The following SORBS2 variants were observed in gnomAD, a reference collection of about 807,000 sequenced individuals.
The protein encoded by SORBS2 is sorbin and SH3 domain containing 2.
A neutral mutation model predicts 97.7 loss-of-function variants in SORBS2; 46 were observed. That is an observed-to-expected ratio of 0.47 (90% CI 0.37 to 0.60). The LOEUF (loss-of-function observed/expected upper bound fraction) is 0.60, where lower values mean the gene tolerates loss of function less well. Ranked by LOEUF, SORBS2 falls within the 20% of genes least tolerant of loss-of-function variation. The pLI is 0.00. For missense variants in SORBS2, 1,316 were observed against 1,282.3 expected, an observed-to-expected ratio of 1.03 and a Z score of -0.40; for synonymous variants, 476 against 473.4, an observed-to-expected ratio of 1.01 and a Z score of -0.07.
intron 2 of SORBS2, among the ~76,000 whole-genome samples, chr4:185,699,284 C>CTTTTTTT (rs11435144): frequency 4.4e-5 from 5 of 112,582 alleles, no homozygotes; most frequent in East Asian, 2.6e-4. Context: ...TGAAATGTAC[C>CTTTTTTT]TTTTTTTTTT....
chr4:185,946,320 G>C lies in SORBS2; in HGVS notation c.-338+9876C>G, dbSNP rs528077588. 4.6e-5 allele frequency among the ~76,000 whole-genome samples: 7 copies of C among 152,274 alleles called. No individual in the cohort carries two copies. The East Asian group carries it at 1.4e-3, about 29-fold the overall frequency. Reference sequence around the variant, plus strand: ...GGCAGGCCTAGAAACCTATCACAAGGTTATTGCCATAATTGGAACAAAAAA... The same window carrying C: ...GGCAGGCCTAGAAACCTATCACAAGCTTATTGCCATAATTGGAACAAAAAA... On this transcript the variant is annotated intron_variant, in intron 1 of 20. Transcript: ENST00000284776.
intron 1 of SORBS2, among the ~76,000 whole-genome samples, chr4:185,906,897 A>G (rs1365191647): frequency 6.6e-6 from 1 of 152,168 alleles, no homozygotes; most frequent in African/African-American, 2.4e-5. Flanking sequence ...AGGCCAAGGC[A>G]GGCGGATCAC....
rs570251256 is a variant in SORBS2 at position 185,702,201 on chromosome 4, G to A, written c.-197-23379C>T. 7.2e-5 allele frequency among the ~76,000 whole-genome samples: 11 copies of A among 152,230 alleles called. No individual in the cohort carries two copies. In the South Asian group the frequency reaches 2.1e-3, roughly 29 times the overall value. On this transcript the variant is annotated intron_variant, in intron 2 of 20. Transcript: ENST00000284776. ...CAGAAAAGAGGGTTATTTGGCTCTC[G>A]GTTCTGCAGCCTGCACGGGACGCAT...
At chr4:185,720,926 C>CT (rs1316627272) in intron 2 of SORBS2, among the ~76,000 whole-genome samples, 1 of 152,060 alleles carries the variant, frequency 6.6e-6, no homozygotes, top group African/African-American at 2.4e-5. Flanking sequence ...GCCCATCGCT[C>CT]TGTCTCCCTG....
At chr4:185,610,991 TACAG>T (rs1333561997) in intron 12 of SORBS2, among the ~76,000 whole-genome samples, 2 of 152,200 alleles carry the variant, frequency 1.3e-5, no homozygotes, top group Admixed American at 6.5e-5. Context: ...ACATTGTGAG[TACAG>T]ACAAATAGCC....
intron 4 of SORBS2, among the ~76,000 whole-genome samples, chr4:185,640,156 G>A (rs940255688): frequency 6.6e-6 from 1 of 152,158 alleles, no homozygotes; most frequent in Non-Finnish European, 1.5e-5. Context: ...TGACAAAATA[G>A]TGCAAAAGCC....
intron 4 of SORBS2, chr4:185,677,359 T>C (rs1182192610): frequency 6.4e-7 from 1 of 1,552,256 alleles, no homozygotes; most frequent in African/African-American, 1.4e-5. Flanking sequence ...GTGTTGATGT[T>C]AGCGAATGGT....
intron 12 of SORBS2, among the ~76,000 whole-genome samples, chr4:185,595,605 T>C (rs1306651898): frequency 6.6e-6 from 1 of 152,176 alleles, no homozygotes; most frequent in Admixed American, 6.5e-5. Flanking sequence ...TCAATTGCCA[T>C]TAATATTATT....
intron 1 of SORBS2, among the ~76,000 whole-genome samples, chr4:185,951,443 C>T (rs1393239770): frequency 6.6e-6 from 1 of 152,188 alleles, no homozygotes; most frequent in Non-Finnish European, 1.5e-5. Context: ...TGCCCTTCAT[C>T]CCTCTTAGAA....
chr4:185,846,424 G>C (rs1313023692), intron 1 of SORBS2, among the ~76,000 whole-genome samples: 2 of 152,156 alleles, frequency 1.3e-5, no homozygotes, highest in African/African-American at 4.8e-5. Context: ...TGGGGCCAAG[G>C]ACCCTTTTTG....
At chr4:185,904,499 G>A (rs1365411818) in intron 1 of SORBS2, among the ~76,000 whole-genome samples, 1 of 152,162 alleles carries the variant, frequency 6.6e-6, no homozygotes, top group African/African-American at 2.4e-5. Context: ...CTCCCTGCCT[G>A]TGGTACTTGG....
At chr4:185,656,741 A>G in exon 1 of SORBS2, 2 of 1,537,418 alleles carry the variant, frequency 1.3e-6, no homozygotes, top group Admixed American at 4.0e-5. Flanking sequence ...TGCCTCTGCT[A>G]CTGCTGCGTT....
intron 2 of SORBS2, chr4:185,772,840 C>T (rs995546014): frequency 6.6e-6 from 1 of 152,208 alleles, no homozygotes; most frequent in African/African-American, 2.4e-5. Context: ...CACCAGAAGT[C>T]ACCTGGCCTT....
intron 2 of SORBS2, among the ~76,000 whole-genome samples, chr4:185,704,317 TTTTA>T (rs1457951420): frequency 1.3e-5 from 2 of 152,144 alleles, no homozygotes; most frequent in African/African-American, 2.4e-5. Context: ...TTTTTTACAA[TTTTA>T]TTTATTTATT....
intron 1 of SORBS2, among the ~76,000 whole-genome samples, chr4:185,813,277 T>A (rs931543550): frequency 7.2e-5 from 11 of 152,228 alleles, no homozygotes; most frequent in African/African-American, 2.7e-4. Context: ...TCCCTACCCA[T>A]GTTAACACTC....
chr4:185,752,570 C>T (rs2098807866), intron 2 of SORBS2, among the ~76,000 whole-genome samples: 1 of 152,232 alleles, frequency 6.6e-6, no homozygotes, highest in Non-Finnish European at 1.5e-5. Context: ...GCCACCGTGC[C>T]CAGCCCTGCA....
chr4:185,650,172 A>G (rs1006445147), intron 2 of SORBS2, among the ~76,000 whole-genome samples: 1 of 151,126 alleles, frequency 6.6e-6, no homozygotes, highest in African/African-American at 2.5e-5. Context: ...TGAGTCCTCA[A>G]TATGCTTAGA....
chr4:185,892,681 T>A (rs1412675878), intron 1 of SORBS2, among the ~76,000 whole-genome samples: 1 of 152,138 alleles, frequency 6.6e-6, no homozygotes, highest in Admixed American at 6.5e-5. Context: ...GAAGGAAAAA[T>A]CCTGTATGAT....
chr4:185,698,424 C>T (rs1442994013), intron 2 of SORBS2, among the ~76,000 whole-genome samples: 2 of 151,934 alleles, frequency 1.3e-5, no homozygotes, highest in African/African-American at 2.4e-5. Flanking sequence ...TGCAGTGAGT[C>T]GAAGGTTGCA....
Sources: allele counts gnomAD v4.1 joint callset (sites outside exome capture counted in the v4.1 genomes callset), GRCh38; gene constraint gnomAD v4.1.1; transcripts MANE v1.5; gene names NCBI Gene and HGNC (gene_info 2026-07-23, HGNC 2026-07-21).